Variants in TMEM232 observed in about 807,000 individuals in gnomAD.
TMEM232 encodes the protein transmembrane protein 232.
TMEM232 carries 80 observed loss-of-function variants against 78.8 expected under a neutral mutation model. The ratio of observed to expected loss-of-function variants is 1.01; its 90% CI spans 0.85 to 1.22. The LOEUF (loss-of-function observed/expected upper bound fraction) is 1.22, where lower values mean the gene tolerates loss of function less well. TMEM232 is among the 50% of genes most tolerant of loss of function. TMEM232 has a pLI of 0.00. For missense variants in TMEM232, 881 were observed against 742.2 expected (o/e 1.19, Z -2.17); for synonymous variants, 297 against 254.3 (o/e 1.17, Z -1.60).
At chr5:110,617,256 G>T (rs1259733412) in intron 8 of TMEM232, among the ~76,000 whole-genome samples, 1 of 152,302 alleles carries the variant, frequency 6.6e-6, no homozygotes, top group South Asian at 2.1e-4. Flanking sequence ...AATGGTATAA[G>T]GCTTGGGATG....
chr5:110,620,627 CT>C (rs1561399799), intron 7 of TMEM232, among the ~76,000 whole-genome samples: 108 of 104,526 alleles, frequency 1.0e-3, no homozygotes, highest in Admixed American at 2.2e-3. Flanking sequence ...CTCTCTCTCT[CT>C]CTCTCTCTCT....
chr5:110,596,617 A>G (rs1780202396), intron 10 of TMEM232, among the ~76,000 whole-genome samples: 1 of 152,184 alleles, frequency 6.6e-6, no homozygotes, highest in African/African-American at 2.4e-5. Context: ...AATCCTCAGT[A>G]AAATACTGGC....
intron 12 of TMEM232, among the ~76,000 whole-genome samples, chr5:110,523,476 G>A (rs1398716111): frequency 6.6e-6 from 1 of 151,796 alleles, no homozygotes; most frequent in Non-Finnish European, 1.5e-5. Context: ...AATTTAGGTT[G>A]TTTATTTGAG....
At chr5:110,416,283 C>T (rs1756206112), downstream of TMEM232, among the ~76,000 whole-genome samples, 1 of 152,226 alleles carries the variant, frequency 6.6e-6, no homozygotes, top group Non-Finnish European at 1.5e-5. Flanking sequence ...CTACACATGT[C>T]TTTTCTACAG....
intron 12 of TMEM232, among the ~76,000 whole-genome samples, chr5:110,460,670 CT>C (rs34537993): frequency 0.16 from 21,751 of 138,726 alleles, 3,719 homozygotes; most frequent in African/African-American, 0.42. Context: ...TTGCATTTTT[CT>C]TTTTTTTTTT....
chr5:110,573,537 A>G (rs1777200317), intron 10 of TMEM232, among the ~76,000 whole-genome samples: 1 of 152,094 alleles, frequency 6.6e-6, no homozygotes, highest in Admixed American at 6.6e-5. Flanking sequence ...CTCTGTACTA[A>G]AGAAAAAGAC....
chr5:110,637,646 A>G (rs1786048930), intron 5 of TMEM232, among the ~76,000 whole-genome samples: 1 of 152,014 alleles, frequency 6.6e-6, no homozygotes, highest in Non-Finnish European at 1.5e-5. Flanking sequence ...CAGTAAAACC[A>G]TTAGTTAAAC....
rs549476173 is a variant in TMEM232 at position 110,431,478 on chromosome 5, C to G, written c.1704-6562G>C. 5.3e-5 allele frequency among the ~76,000 whole-genome samples: 8 copies of G among 151,768 alleles called. No homozygotes were observed. In the South Asian group the frequency reaches 1.7e-3, roughly 31 times the overall value. The stretch of plus-strand genomic sequence containing the variant: ...TGCATAGCAGAAGAAGGTGAACTGT[C>G]TTTCTGCTGTACATAGTATGAACCA... On this transcript the variant is annotated intron_variant, in intron 12 of 13. Transcript: ENST00000455884.
intron 2 of TMEM232, among the ~76,000 whole-genome samples, chr5:110,652,332 T>C (rs913590803): frequency 3.5e-5 from 2 of 57,198 alleles, no homozygotes; most frequent in African/African-American, 1.0e-4. Flanking sequence ...TATCCAGGGT[T>C]TCAAATACAA....
intron 1 of TMEM232, among the ~76,000 whole-genome samples, chr5:110,698,348 A>G (rs1442719753): frequency 1.3e-5 from 2 of 152,082 alleles, no homozygotes; most frequent in African/African-American, 2.4e-5. Context: ...TGACAAGGTA[A>G]TGGGTGCAAC....
chr5:110,536,613 T>C (rs1485240048), intron 11 of TMEM232, among the ~76,000 whole-genome samples: 1 of 152,206 alleles, frequency 6.6e-6, no homozygotes, highest in African/African-American at 2.4e-5. Context: ...TTCAGGTGAC[T>C]TGAGCCTTCT....
chr5:110,624,916 T>C (rs552666153), intron 7 of TMEM232, among the ~76,000 whole-genome samples: 2 of 152,206 alleles, frequency 1.3e-5, no homozygotes, highest in South Asian at 4.1e-4. Flanking sequence ...AAATTTTCTA[T>C]TTATAAACTG....
At chr5:110,406,202 T>C (rs1217040699) in intron 2 of TMEM232, among the ~76,000 whole-genome samples, 2 of 151,562 alleles carry the variant, frequency 1.3e-5, no homozygotes, top group Non-Finnish European at 2.9e-5. Context: ...ATGCCAATTA[T>C]GGAAAACATT....
At chr5:110,397,737 A>G (rs1055574383) in intron 3 of TMEM232, 1 of 152,568 alleles carries the variant, frequency 6.6e-6, no homozygotes, top group Admixed American at 6.6e-5. Flanking sequence ...TTAAAGTAAA[A>G]ATTATTGTTA....
intron 12 of TMEM232, among the ~76,000 whole-genome samples, chr5:110,460,589 A>G (rs1051675613): frequency 6.6e-6 from 1 of 152,136 alleles, no homozygotes; most frequent in South Asian, 2.1e-4. Flanking sequence ...TGCCACTTCA[A>G]ACACACACAC....
intron 12 of TMEM232, among the ~76,000 whole-genome samples, chr5:110,462,871 C>T (rs1021197274): frequency 6.6e-6 from 1 of 152,098 alleles, no homozygotes; most frequent in African/African-American, 2.4e-5. Context: ...GTGACAATTG[C>T]GGCAAACTCA....
At chr5:110,509,019 T>C (rs1038322052) in intron 12 of TMEM232, among the ~76,000 whole-genome samples, 5 of 145,632 alleles carry the variant, frequency 3.4e-5, no homozygotes, top group South Asian at 2.1e-4. Context: ...TGTATATATA[T>C]ACAATTATAT....
chr5:110,737,262 T>G (rs1290656253), intron 1 of TMEM232, among the ~76,000 whole-genome samples: 3 of 150,884 alleles, frequency 2.0e-5, no homozygotes, highest in Non-Finnish European at 4.4e-5. Flanking sequence ...GATATACACT[T>G]TAAATAATAA....
Position 110,625,338 on chromosome 5 carries a change from C to G in TMEM232, c.697G>C (p.Glu233Gln). Reference protein sequence around the residue: ...LKASEIIGKRELRSESIFRPV... With the variant: ...LKASEIIGKRQLRSESIFRPV... ...CTAAAAATGGATTCAGAACGGAGTT[C>G]TCTTTTACCTATAATTTCCGAGGCT... is the stretch of plus-strand genomic sequence containing the variant. Residue 233 changes from glutamate to glutamine, a missense_variant, in exon 7 of 14, where the codon GAA becomes CAA. Glu to Gln is a conservative substitution (Grantham distance 29, BLOSUM62 2). Coordinates refer to ENST00000455884, the MANE Select transcript of TMEM232 (RefSeq NM_001039763.4). 6.5e-6 allele frequency: 10 copies of G among 1,547,486 alleles called. No individual in the cohort carries two copies. Among genetic ancestry groups the G allele is most frequent in the South Asian group, 1.2e-5 (1 of 83,454 alleles).
Sources: gnomAD v4.1 joint callset for allele counts (sites outside exome capture counted in the v4.1 genomes callset) on GRCh38, gnomAD v4.1.1 for gene constraint, MANE v1.5 for transcripts, NCBI Gene and HGNC (gene_info 2026-07-23, HGNC 2026-07-21) for gene names.